The following COPS3 variants were observed in gnomAD, a reference collection of about 807,000 sequenced individuals.
COPS3 encodes COP9 signalosome complex subunit 3.
Under a neutral mutation model 58.2 loss-of-function variants are expected in COPS3, and 10 were observed. The observed-to-expected ratio is 0.17, with a 90% CI of 0.11 to 0.29. The LOEUF (loss-of-function observed/expected upper bound fraction) is 0.29, where lower values mean the gene tolerates loss of function less well. Ranked by LOEUF, COPS3 falls within the 10% of genes least tolerant of loss-of-function variation. The pLI is 1.00. For synonymous variants in COPS3, 187 were observed against 181.7 expected (o/e 1.03, Z -0.24); for missense variants, 333 against 510.1 (o/e 0.65, Z 3.34).
chr17:17,263,481 G>A (rs2048151873), intron 6 of COPS3, among the ~76,000 whole-genome samples: 1 of 150,060 alleles, frequency 6.7e-6, no homozygotes, highest in Non-Finnish European at 1.5e-5. Context: ...TTACAGGTGT[G>A]AGCCACCTCA....
At chr17:17,249,581 C>A (rs1881290595) in intron 9 of COPS3, among the ~76,000 whole-genome samples, 1 of 152,162 alleles carries the variant, frequency 6.6e-6, no homozygotes, top group African/African-American at 2.4e-5. Flanking sequence ...CAACCTCCGC[C>A]TCCTGAGTTC....
Position 17,260,344 on chromosome 17 carries a change from C to T in COPS3, c.893G>A (p.Cys298Tyr). The part of the protein sequence containing the change: ...RDNNMGLVKQ[C>Y]LSSLYKKNIQ... The stretch of plus-strand genomic sequence containing the variant: ...ATTCTTCTTATAAAGAGATGACAAG[C>T]ATTGCTTCACCAGCCCCATGTTGTT... The change falls in exon 8 of 12, where the codon TGC (cysteine) becomes TAC (tyrosine). Residue 298 changes from cysteine (C) to tyrosine (Y), a missense_variant. Transcript: ENST00000268717. 6.2e-7 allele frequency: 1 copy of T among 1,614,172 alleles called. No individual in the cohort carries two copies. The highest frequency in any genetic ancestry group is 8.5e-7 in the Non-Finnish European group (1 of 1,180,016).
rs558608112 is a variant in COPS3 at position 17,253,653 on chromosome 17, G to A, written c.1023+1206C>T. Among the ~76,000 whole-genome samples, 12 of 152,272 alleles carry A rather than the reference G, an allele frequency of 7.9e-5. No homozygotes were observed. In the South Asian group the frequency reaches 1.2e-3, roughly 16 times the overall value. ...AGTCAGAATGTCAGTCAATGATGTC[G>A]CTAAGCACACTGTGTAGTTCAGCAA... On this transcript the variant is annotated intron_variant, in intron 9 of 11. Transcript: ENST00000268717.
chr17:17,271,071 T>C (rs2048330502), intron 2 of COPS3, 63 bp from the exon 3 acceptor site: 4 of 1,147,352 alleles, frequency 3.5e-6, no homozygotes, highest in Admixed American at 1.8e-5. Flanking sequence ...ACAGAAACAA[T>C]GTATGCAAGA....
intron 9 of COPS3, among the ~76,000 whole-genome samples, chr17:17,254,073 T>C (rs558491152): frequency 1.2e-4 from 18 of 151,574 alleles, no homozygotes; most frequent in Admixed American, 8.6e-4. Flanking sequence ...TTGGGAGGCC[T>C]AGGAGGGCAG....
intron 8 of COPS3, among the ~76,000 whole-genome samples, chr17:17,258,027 T>C (rs2048016724): frequency 6.6e-6 from 1 of 152,056 alleles, no homozygotes; most frequent in Non-Finnish European, 1.5e-5. Context: ...TTCTTTTCAT[T>C]TTAGCACTGG....
chr17:17,274,228 C>A (rs2048411346), intron 2 of COPS3, among the ~76,000 whole-genome samples: 1 of 152,060 alleles, frequency 6.6e-6, no homozygotes. Flanking sequence ...GGGCCCTGAG[C>A]TTCATATTTT....
intron 4 of COPS3, among the ~76,000 whole-genome samples, chr17:17,268,847 C>CAA (rs200206343): frequency 3.3e-4 from 16 of 48,598 alleles, no homozygotes; most frequent in African/African-American, 1.6e-3. Context: ...ACAACAACAA[C>CAA]AAAAATATAT....
chr17:17,264,125 G>A (rs1323395848), intron 6 of COPS3, among the ~76,000 whole-genome samples: 1 of 152,212 alleles, frequency 6.6e-6, no homozygotes, highest in East Asian at 1.9e-4. Context: ...GTATGCATGT[G>A]TATTATGTAT....
chr17:17,275,367 G>A (rs1022506003), intron 2 of COPS3, among the ~76,000 whole-genome samples: 3 of 151,928 alleles, frequency 2.0e-5, no homozygotes, highest in East Asian at 3.9e-4. Context: ...GATTAGAGGC[G>A]GGAGCCACTG....
intron 10 of COPS3, 90 bp from the exon 11 acceptor site, chr17:17,247,650 G>A: frequency 7.7e-7 from 1 of 1,300,516 alleles, no homozygotes; most frequent in Non-Finnish European, 1.1e-6. Context: ...GGGTGCTATA[G>A]GTTCACAATC....
intron 4 of COPS3, among the ~76,000 whole-genome samples, chr17:17,269,386 T>C (rs1455652892): frequency 9.9e-5 from 15 of 151,838 alleles, no homozygotes; most frequent in Admixed American, 8.5e-4. Context: ...GATTGCGCCA[T>C]TGCACTCCAG....
At chr17:17,268,841 C>A (rs1384070712) in intron 4 of COPS3, among the ~76,000 whole-genome samples, 1 of 145,676 alleles carries the variant, frequency 6.9e-6, no homozygotes, top group Non-Finnish European at 1.5e-5. Flanking sequence ...ACAACAACAA[C>A]AACAACAAAA....
rs2047734756 is a variant in COPS3 at position 17,246,742 on chromosome 17, A to G, written c.*356T>C. 2 of 196,770 alleles carry G rather than the reference A, an allele frequency of 1.0e-5. No homozygotes were observed. The highest frequency in any genetic ancestry group is 2.1e-5 in the Non-Finnish European group (2 of 97,146). 12.2% of individuals were successfully genotyped at this position (196,770 alleles called of 1,614,324 possible). A position where few individuals can be genotyped will look rare whatever the true frequency, so the allele number is the denominator to read the frequency against. On this transcript the variant is annotated 3_prime_UTR_variant, in exon 12 of 12. Coordinates refer to ENST00000268717, the MANE Select transcript of COPS3 (RefSeq NM_003653.4). ...GATCCAAATCTTCCAAAAATTCCTA[A>G]AATCCAGCTATTTCTGTTCACAATG... is the stretch of plus-strand genomic sequence containing the variant.
chr17:17,259,988 T>C (rs986273719), intron 8 of COPS3, among the ~76,000 whole-genome samples: 5 of 152,146 alleles, frequency 3.3e-5, no homozygotes, highest in African/African-American at 1.2e-4. Context: ...TCTGCATCAT[T>C]AGCATCCCTC....
intron 8 of COPS3, among the ~76,000 whole-genome samples, chr17:17,257,351 G>A (rs183948234): frequency 6.9e-5 from 10 of 145,468 alleles, no homozygotes; most frequent in East Asian, 2.1e-4. Flanking sequence ...ACAACAGAGC[G>A]AGACTCAGTC....
intron 5 of COPS3, among the ~76,000 whole-genome samples, chr17:17,266,585 AGT>A (rs2048226863): frequency 6.6e-6 from 1 of 151,680 alleles, no homozygotes; most frequent in Non-Finnish European, 1.5e-5. Flanking sequence ...GATCGCTTGA[AGT>A]CAGGAGTTCA....
Position 17,262,247 on chromosome 17 carries a change from A to T in COPS3, c.622-141T>A, listed in dbSNP as rs543978680. On this transcript the variant is annotated intron_variant, in intron 6 of 11. Coordinates refer to ENST00000268717, the MANE Select transcript of COPS3 (RefSeq NM_003653.4). ...TTTTATAACAGCCTTATTGAGATAG[A>T]ATTCATTTTATTTTTATTTATGCAT... 18 of 795,338 alleles carry T rather than the reference A, an allele frequency of 2.3e-5. No homozygotes were observed. The South Asian group carries it at 3.8e-4, about 17-fold the overall frequency. The allele number at this position is 795,338 out of a possible 1,614,324, so 49.3% of individuals were successfully genotyped here. A position where few individuals can be genotyped will look rare whatever the true frequency, so the allele number is the denominator to read the frequency against.
intron 1 of COPS3, chr17:17,280,863 CCGG>C: frequency 1.8e-6 from 2 of 1,129,088 alleles, no homozygotes; most frequent in Non-Finnish European, 1.2e-6. Flanking sequence ...AGCAAAGCGC[CCGG>C]TGGAAGGGGC....
Sources: gnomAD v4.1 joint callset for allele counts (sites outside exome capture counted in the v4.1 genomes callset) on GRCh38, gnomAD v4.1.1 for gene constraint, MANE v1.5 for transcripts, NCBI Gene and HGNC (gene_info 2026-07-23, HGNC 2026-07-21) for gene names.